The following CDHR3 variants were observed in gnomAD, a reference collection of about 807,000 sequenced individuals.
CDHR3 encodes the protein cadherin-related family member 3.
Under a neutral mutation model 86.6 loss-of-function variants are expected in CDHR3, and 79 were observed. The ratio of observed to expected loss-of-function variants is 0.91; its 90% CI spans 0.76 to 1.10. CDHR3 has a LOEUF of 1.10. Ranked by LOEUF, CDHR3 falls within the 50% of genes least tolerant of loss-of-function variation. CDHR3 has a pLI of 0.00. For missense variants in CDHR3, 1,081 were observed against 1,077.6 expected (o/e 1.00, Z -0.04); for synonymous variants, 421 against 402.4 (o/e 1.05, Z -0.55).
intron 12 of CDHR3, among the ~76,000 whole-genome samples, chr7:106,019,952 G>A (rs1836294657): frequency 6.6e-6 from 1 of 152,014 alleles, no homozygotes; most frequent in Non-Finnish European, 1.5e-5. Flanking sequence ...CAGGCAAGGT[G>A]GCACATGGAG....
At chr7:105,965,293 T>C (rs1166476058) in intron 1 of CDHR3, among the ~76,000 whole-genome samples, 1 of 152,028 alleles carries the variant, frequency 6.6e-6, no homozygotes, top group Non-Finnish European at 1.5e-5. Flanking sequence ...ATCACTATAA[T>C]AATCTCAAAT....
In CDHR3 at chr7:106,004,601, T is replaced by A. The variant is rs755470458; in HGVS notation, c.966T>A (p.Tyr322Ter). The A allele has an allele frequency of 1.9e-6, 3 of 1,613,950 alleles. No individual in the cohort carries two copies. The South Asian group carries it at 3.3e-5, about 18-fold the overall frequency. The change falls in exon 8 of 19, where the codon TAT becomes TAA. Residue 322 changes from tyrosine to a stop codon, truncating the protein, a stop_gained. Transcript: ENST00000317716. LOFTEE classifies it high-confidence loss of function. The part of the protein sequence containing the change: ...SLEVLVKDRP[Y>*]GGQENRIQIT... ...AAGTTCTAGTGAAGGACAGACCATA[T>A]GGGGGTCAGGAGAATCGCATCCAGA...
At chr7:106,018,749 C>T (rs1243373359) in intron 12 of CDHR3, among the ~76,000 whole-genome samples, 3 of 152,084 alleles carry the variant, frequency 2.0e-5, no homozygotes, top group Non-Finnish European at 4.4e-5. Context: ...TGCATTTCCT[C>T]CCCAGGAGCA....
chr7:106,010,591 T>C (rs1392272975), intron 8 of CDHR3, among the ~76,000 whole-genome samples: 1 of 152,206 alleles, frequency 6.6e-6, no homozygotes, highest in African/African-American at 2.4e-5. Flanking sequence ...CCATGACCAT[T>C]CTTGCTGTCA....
At chr7:106,001,823 A>G (rs1475239687) in intron 7 of CDHR3, among the ~76,000 whole-genome samples, 1 of 152,150 alleles carries the variant, frequency 6.6e-6, no homozygotes, top group Non-Finnish European at 1.5e-5. Context: ...TTATCTCTAG[A>G]TTCCTTATAA....
In CDHR3 at chr7:106,003,989, CAAAAAAAAAAA is replaced by C. The variant is rs55815648; in HGVS notation, c.863-497_863-487del. 5.0e-5 allele frequency among the ~76,000 whole-genome samples: 4 copies of C among 79,952 alleles called. No individual in the cohort carries two copies. In the East Asian group the frequency reaches 1.3e-3, roughly 26 times the overall value. The allele number at this position is 79,952 out of a possible 152,430, so 52.5% of individuals were successfully genotyped here. A position where few individuals can be genotyped will look rare whatever the true frequency, so the allele number is the denominator to read the frequency against. On this transcript the variant is annotated intron_variant, in intron 7 of 18. Coordinates refer to ENST00000317716, the MANE Select transcript of CDHR3 (RefSeq NM_152750.5). Reference sequence around the variant, plus strand: ...AGAAACTAAGGTAAACCAACCTAACCAAAAAAAAAAAAAAAAAAAAAAGAAAGAAAAAAAAG... The same window carrying C: ...AGAAACTAAGGTAAACCAACCTAACCAAAAAAAAAAAGAAAGAAAAAAAAG...
In CDHR3 at chr7:106,024,566, A is replaced by C. The variant is rs1260714987; in HGVS notation, c.2258+4A>C. 6.2e-7 allele frequency: 1 copy of C among 1,613,768 alleles called. No individual in the cohort carries two copies. The highest frequency in any genetic ancestry group is 8.5e-7 in the Non-Finnish European group (1 of 1,179,824). On this transcript the variant is annotated splice_donor_region_variant and intron_variant, in intron 15 of 18. Transcript: ENST00000317716. ...CTGGGAAGAACAAGGAACCTCTGTA[A>C]GTTGCCAGTGGGCTGGGCCCTCTTC...
At position 106,012,928 on chromosome 7, in the gene CDHR3, A is replaced by C. The variant is rs1835040297; in HGVS notation, c.1121A>C (p.Asp374Ala). ...GACCTAAACAAGTTCTGCTTTGATGATGACAGTGAGGCACCAAACAACAGA... is the reference window on the plus strand; with the variant it reads ...GACCTAAACAAGTTCTGCTTTGATGCTGACAGTGAGGCACCAAACAACAGA... ...LLDLNKFCFDDDSEAPNNRFN... is the reference protein window; with the variant it reads ...LLDLNKFCFDADSEAPNNRFN... Residue 374 changes from aspartate (D) to alanine (A), a missense_variant, in exon 9 of 19, where the codon GAT becomes GCT. Physicochemically the swap from Asp to Ala is moderately radical, Grantham distance 126 (BLOSUM62 -2). Transcript: ENST00000317716. 1.2e-6 allele frequency: 2 copies of C among 1,613,782 alleles called. No homozygotes were observed. Among genetic ancestry groups the C allele is most frequent in the South Asian group, 2.2e-5 (2 of 91,034 alleles).
Position 105,986,204 on chromosome 7 carries a change from G to A in CDHR3, c.513+1915G>A, listed in dbSNP as rs145901813. Among the ~76,000 whole-genome samples, 564 of 152,294 alleles carry A rather than the reference G, an allele frequency of 3.7e-3. 3 individuals are homozygous for A. Among genetic ancestry groups the A allele is most frequent in the African/African-American group, 0.013 (520 of 41,556 alleles). On this transcript the variant is annotated intron_variant, in intron 4 of 18. Transcript: ENST00000317716. ...AGAGGACTTCTGCTATATCTCACTG[G>A]CCAGAACTGTGCCCTATGGCCACTT... is the stretch of plus-strand genomic sequence containing the variant.
At chr7:105,966,367 A>C (rs1826931795) in intron 1 of CDHR3, among the ~76,000 whole-genome samples, 1 of 152,228 alleles carries the variant, frequency 6.6e-6, no homozygotes, top group Non-Finnish European at 1.5e-5. Flanking sequence ...AAAAGGTACC[A>C]AACCCATCCA....
At chr7:105,992,021 G>C (rs143714188) in intron 4 of CDHR3, among the ~76,000 whole-genome samples, 171 of 152,256 alleles carry the variant, frequency 1.1e-3, no homozygotes, top group African/African-American at 3.4e-3. Context: ...ACCCTAATTT[G>C]TGACTCTTGT....
chr7:106,004,723 T>C (rs1833699563), intron 8 of CDHR3, 36 bp downstream of exon 8: 6 of 1,605,432 alleles, frequency 3.7e-6, no homozygotes, highest in African/African-American at 1.3e-5. Context: ...GGACATTCTA[T>C]CTCTTTGGTG....
At position 106,030,282 on chromosome 7, in the gene CDHR3, A is replaced by T. The variant is rs945833314; in HGVS notation, c.2305-510A>T. ...AGGGCTTAGGTGAGGCCCAGATGCG[A>T]CACTGCATTGGCCTAGGCAAGGGGA... is the stretch of plus-strand genomic sequence containing the variant. On this transcript the variant is annotated intron_variant, in intron 17 of 18. Transcript: ENST00000317716. The surrounding 1 kb of genome is among the most constrained non-coding windows in gnomAD (Gnocchi z 4.8). Among the ~76,000 whole-genome samples the T allele has an allele frequency of 9.8e-5, 15 of 152,342 alleles. No homozygotes were observed. The highest frequency in any genetic ancestry group is 3.1e-4 in the African/African-American group (13 of 41,588).
In CDHR3 at chr7:106,012,966, A is replaced by T; in HGVS notation, c.1159A>T (p.Met387Leu). Residue 387 changes from methionine (M) to leucine (L), a missense_variant, in exon 9 of 19, where the codon ATG (methionine) becomes TTG (leucine). Transcript: ENST00000317716. Reference protein sequence around the residue: ...EAPNNRFNFTMPSGVGSGSRF... With the variant: ...EAPNNRFNFTLPSGVGSGSRF... ...ACCAAACAACAGATTCAACTTCACC[A>T]TGCCATCTGGAGTGGGGAGCGGCAG... is the stretch of plus-strand genomic sequence containing the variant. 1 of 1,613,740 alleles carries T rather than the reference A, an allele frequency of 6.2e-7. No homozygotes were observed. The highest frequency in any genetic ancestry group is 8.5e-7 in the Non-Finnish European group (1 of 1,179,784).
chr7:106,035,046 T>C lies in CDHR3; in HGVS notation c.*2349T>C, dbSNP rs1249014847. Among the ~76,000 whole-genome samples the C allele has an allele frequency of 6.8e-6, 1 of 147,372 alleles. No homozygotes were observed. Among genetic ancestry groups the C allele is most frequent in the Non-Finnish European group, 1.5e-5 (1 of 67,402 alleles). On this transcript the variant is annotated 3_prime_UTR_variant, in exon 19 of 19. Transcript: ENST00000317716. ...GTGGGCTGAGATTGCGCCACTGCACTCCAGCCTGGGTGACAAGGGCAAAAC... is the reference window on the plus strand; with the variant it reads ...GTGGGCTGAGATTGCGCCACTGCACCCCAGCCTGGGTGACAAGGGCAAAAC...
intron 2 of CDHR3, among the ~76,000 whole-genome samples, chr7:105,978,068 G>T (rs1003779926): frequency 6.6e-6 from 1 of 152,200 alleles, no homozygotes; most frequent in Non-Finnish European, 1.5e-5. Context: ...GGCATAGAGA[G>T]GTTGAGCAAC....
rs552676649 is a variant in CDHR3, at chr7:106,030,257, A to G, written c.2305-535A>G. Among the ~76,000 whole-genome samples, 9 of 152,338 alleles carry G rather than the reference A, an allele frequency of 5.9e-5. No individual in the cohort carries two copies. Among genetic ancestry groups the G allele is most frequent in the African/African-American group, 2.2e-4 (9 of 41,578 alleles). On this transcript the variant is annotated intron_variant, in intron 17 of 18. Transcript: ENST00000317716. The surrounding 1 kb of genome is among the most constrained non-coding windows in gnomAD (Gnocchi z 4.8). Reference sequence around the variant, plus strand: ...AGGGAAGAGAAAAGACCTGGAGCACAGGGCTTAGGTGAGGCCCAGATGCGA... The same window carrying G: ...AGGGAAGAGAAAAGACCTGGAGCACGGGGCTTAGGTGAGGCCCAGATGCGA...
intron 10 of CDHR3, 149 bp downstream of exon 10, chr7:106,015,362 A>G (rs566283754): frequency 3.2e-6 from 2 of 628,392 alleles, no homozygotes; most frequent in Non-Finnish European, 5.5e-6. Flanking sequence ...CTGAATTACA[A>G]CACTTAAGAG....
chr7:105,997,259 C>T (rs1003288005), intron 6 of CDHR3, among the ~76,000 whole-genome samples: 3 of 152,206 alleles, frequency 2.0e-5, no homozygotes, highest in Non-Finnish European at 4.4e-5. Context: ...CCAGACTAAC[C>T]TGGTGCCACT....
Sources: allele counts gnomAD v4.1 joint callset (sites outside exome capture counted in the v4.1 genomes callset), GRCh38; gene constraint gnomAD v4.1.1; non-coding constraint Gnocchi (gnomAD v3.1); transcripts MANE v1.5; gene names NCBI Gene and HGNC (gene_info 2026-07-23, HGNC 2026-07-21).